CNTNAP2: variants seen among roughly 807,000 people sequenced by gnomAD.
CNTNAP2 encodes contactin associated protein 2, also known as contactin-associated protein-like 2.
CNTNAP2 carries 98 observed loss-of-function variants against 155.2 expected under a neutral mutation model. That is an observed-to-expected ratio of 0.63 (90% CI 0.54 to 0.75). The LOEUF (loss-of-function observed/expected upper bound fraction) is 0.75. Ranked by LOEUF, CNTNAP2 falls within the 30% of genes least tolerant of loss-of-function variation. The pLI, the probability that CNTNAP2 is intolerant of heterozygous loss-of-function variation, is 0.00. For missense variants in CNTNAP2, 1,727 were observed against 1,688.1 expected, an observed-to-expected ratio of 1.02 and a Z score of -0.40; for synonymous variants, 651 against 631.2, an observed-to-expected ratio of 1.03 and a Z score of -0.47.
chr7:147,340,494 G>A (rs1795742382), intron 9 of CNTNAP2, among the ~76,000 whole-genome samples: 1 of 152,076 alleles, frequency 6.6e-6, no homozygotes, highest in Non-Finnish European at 1.5e-5. Context: ...CAGGCTTCTA[G>A]ATGCTACATT....
chr7:147,450,626 C>A (rs914160843), intron 10 of CNTNAP2, among the ~76,000 whole-genome samples: 6 of 152,166 alleles, frequency 3.9e-5, no homozygotes, highest in African/African-American at 1.4e-4. Flanking sequence ...TCAGATCAGC[C>A]TTTATAAATG....
chr7:146,289,132 G>A (rs1283690726), intron 1 of CNTNAP2, among the ~76,000 whole-genome samples: 8 of 152,108 alleles, frequency 5.3e-5, no homozygotes, highest in Admixed American at 3.9e-4. Context: ...CCATATGCCT[G>A]ACCACTCCCT....
intron 14 of CNTNAP2, among the ~76,000 whole-genome samples, chr7:147,931,659 C>T (rs1399705233): frequency 6.6e-6 from 1 of 152,018 alleles, no homozygotes. Context: ...ACTACATTGC[C>T]AGAATGCCTA....
chr7:146,461,246 C>A (rs986745273), intron 1 of CNTNAP2, among the ~76,000 whole-genome samples: 3 of 150,146 alleles, frequency 2.0e-5, no homozygotes, highest in African/African-American at 4.9e-5. Flanking sequence ...ACTAAAAATA[C>A]AAAAAAAAAT....
chr7:146,450,703 G>T (rs538572083), intron 1 of CNTNAP2, among the ~76,000 whole-genome samples: 1 of 152,082 alleles, frequency 6.6e-6, no homozygotes, highest in Admixed American at 6.6e-5. Context: ...TGAAAGGAAA[G>T]ACCCAATTTT....
intron 20 of CNTNAP2, among the ~76,000 whole-genome samples, chr7:148,230,829 C>T (rs1044313768): frequency 5.9e-5 from 9 of 152,114 alleles, no homozygotes; most frequent in South Asian, 4.1e-4. Flanking sequence ...TCATCATGGT[C>T]GACAGAGTCC....
At chr7:146,790,598 C>T (rs1481584016) in intron 2 of CNTNAP2, among the ~76,000 whole-genome samples, 2 of 143,528 alleles carry the variant, frequency 1.4e-5, no homozygotes, top group Non-Finnish European at 3.0e-5. Flanking sequence ...AAGACGGAGT[C>T]TCGCTCTGTC....
intron 1 of CNTNAP2, among the ~76,000 whole-genome samples, chr7:146,403,863 C>G (rs1795748341): frequency 6.6e-6 from 1 of 152,100 alleles, no homozygotes; most frequent in South Asian, 2.1e-4. Context: ...AGAACTTGGA[C>G]TTAAAAAACA....
intron 1 of CNTNAP2, among the ~76,000 whole-genome samples, chr7:146,130,383 T>C (rs1009393039): frequency 6.6e-6 from 1 of 152,146 alleles, no homozygotes; most frequent in Non-Finnish European, 1.5e-5. Flanking sequence ...GGTGGAAGGA[T>C]TGCGTGAGCC....
chr7:146,426,656 T>G (rs1584920009), intron 1 of CNTNAP2, among the ~76,000 whole-genome samples: 1 of 144,260 alleles, frequency 6.9e-6, no homozygotes. Context: ...ACAGTGAAAC[T>G]TACAAAAAGA....
intron 1 of CNTNAP2, among the ~76,000 whole-genome samples, chr7:146,498,348 C>T (rs1432538744): frequency 2.0e-5 from 3 of 152,152 alleles, no homozygotes; most frequent in Non-Finnish European, 4.4e-5. Context: ...ATTTCCTCCA[C>T]CATAAGCCTG....
intron 8 of CNTNAP2, among the ~76,000 whole-genome samples, chr7:147,163,527 G>C (rs529757521): frequency 6.6e-6 from 1 of 152,046 alleles, no homozygotes; most frequent in Admixed American, 6.6e-5. Context: ...CCTATGGTTT[G>C]GGAACAACTA....
intron 3 of CNTNAP2, among the ~76,000 whole-genome samples, chr7:146,850,149 G>C (rs1367394185): frequency 6.6e-6 from 1 of 152,172 alleles, no homozygotes; most frequent in African/African-American, 2.4e-5. Flanking sequence ...ATATAGTGCT[G>C]ACAGGCTGTC....
At chr7:146,386,473 C>T (rs1419567174) in intron 1 of CNTNAP2, among the ~76,000 whole-genome samples, 1 of 152,194 alleles carries the variant, frequency 6.6e-6, no homozygotes. Context: ...ACTGAAACCT[C>T]TGCCTCCTGG....
At chr7:147,772,494 A>C (rs867764203) in intron 13 of CNTNAP2, among the ~76,000 whole-genome samples, 1,461 of 141,232 alleles carry the variant, frequency 0.01, 106 homozygotes, top group Admixed American at 0.074. Context: ...ACACACACAA[A>C]AAAAAAACCA....
intron 1 of CNTNAP2, among the ~76,000 whole-genome samples, chr7:146,228,173 C>T (rs921131432): frequency 2.6e-5 from 4 of 152,014 alleles, no homozygotes; most frequent in Non-Finnish European, 5.9e-5. Flanking sequence ...AATATCCAAG[C>T]GATATTTGGG....
chr7:147,755,364 G>A (rs2049468), intron 13 of CNTNAP2, among the ~76,000 whole-genome samples: 96,693 of 152,080 alleles, frequency 0.64, 31,758 homozygotes, highest in East Asian at 0.9. Context: ...ATCCACCAGC[G>A]TTAATAGCAG....
intron 13 of CNTNAP2, among the ~76,000 whole-genome samples, chr7:147,858,729 AAGTTAG>A (rs1380005359): frequency 2.0e-5 from 3 of 152,124 alleles, no homozygotes; most frequent in Admixed American, 6.5e-5. Flanking sequence ...GGTGAGGACA[AAGTTAG>A]AGTCTAAAAG....
chr7:147,798,839 A>G (rs1298410223), intron 13 of CNTNAP2, among the ~76,000 whole-genome samples: 8 of 152,180 alleles, frequency 5.3e-5, no homozygotes, highest in Admixed American at 2.6e-4. Flanking sequence ...CAGAGAATGA[A>G]CACTGAACAT....
Sources: gnomAD v4.1 joint callset for allele counts (sites outside exome capture counted in the v4.1 genomes callset) on GRCh38, gnomAD v4.1.1 for gene constraint, MANE v1.5 for transcripts, NCBI Gene and HGNC (gene_info 2026-07-23, HGNC 2026-07-21) for gene names.